Variants in RASGEF1A observed in about 807,000 individuals in gnomAD.
The protein encoded by RASGEF1A is RasGEF domain family member 1A, also known as ras-GEF domain-containing family member 1A.
Under a neutral mutation model 56.4 loss-of-function variants are expected in RASGEF1A, and 18 were observed. That is an observed-to-expected ratio of 0.32 (90% CI 0.22 to 0.47). The LOEUF is 0.47. Ranked by LOEUF, RASGEF1A falls within the 20% of genes least tolerant of loss-of-function variation. The probability of loss-of-function intolerance (pLI) is 1.00; values close to 1 mark genes in which losing one functional copy is unlikely to be tolerated. For missense variants in RASGEF1A, 422 were observed against 627.1 expected, an observed-to-expected ratio of 0.67 and a Z score of 3.49; for synonymous variants, 245 against 242.6, an observed-to-expected ratio of 1.01 and a Z score of -0.09.
At chr10:43,266,603 C>T (rs1203097551) in intron 1 of RASGEF1A, among the ~76,000 whole-genome samples, 2 of 149,886 alleles carry the variant, frequency 1.3e-5, no homozygotes, top group Non-Finnish European at 3.0e-5. Flanking sequence ...TGCAGGGGGT[C>T]CTGGCGCCGT....
intron 1 of RASGEF1A, among the ~76,000 whole-genome samples, chr10:43,219,384 G>A (rs1840177993): frequency 6.6e-6 from 1 of 152,132 alleles, no homozygotes; most frequent in African/African-American, 2.4e-5. Flanking sequence ...CGGAGGAGGG[G>A]GCTGGGAAGC....
At chr10:43,246,417 T>A (rs996457986) in intron 1 of RASGEF1A, among the ~76,000 whole-genome samples, 1 of 152,156 alleles carries the variant, frequency 6.6e-6, no homozygotes, top group African/African-American at 2.4e-5. Context: ...ATTGACAAGC[T>A]GTTCCTAAAA....
At chr10:43,233,929 C>T (rs940007884) in intron 1 of RASGEF1A, among the ~76,000 whole-genome samples, 4 of 152,290 alleles carry the variant, frequency 2.6e-5, no homozygotes, top group East Asian at 1.9e-4. Flanking sequence ...CGCTCCAGGC[C>T]GAGGATAACC....
At chr10:43,228,531 C>T (rs945095151) in intron 1 of RASGEF1A, among the ~76,000 whole-genome samples, 1 of 152,206 alleles carries the variant, frequency 6.6e-6, no homozygotes, top group Non-Finnish European at 1.5e-5. Flanking sequence ...GTGACCCCGT[C>T]AGCCTGGGTC....
Position 43,206,061 on chromosome 10 carries a change from T to G in RASGEF1A, c.56A>C (p.Gln19Pro). ...SSILGPSCSG[Q>P]VQPGMGERGG... Reference sequence around the variant, plus strand: ...ACGCTCCCCCATGCCAGGCTGCACCTGTCCGCTACAGCTGGGCCCAAGGAT... The same window carrying G: ...ACGCTCCCCCATGCCAGGCTGCACCGGTCCGCTACAGCTGGGCCCAAGGAT... Residue 19 changes from glutamine to proline, a missense_variant, in exon 2 of 13, where the codon CAG (glutamine) becomes CCG (proline). Physicochemically the swap from Gln to Pro is moderately conservative, Grantham distance 76. This residue lies in a region of RASGEF1A where 273 missense variants were observed against 339.9 expected (regional missense o/e 0.80). Coordinates refer to ENST00000395810, the MANE Select transcript of RASGEF1A (RefSeq NM_145313.4). The G allele has an allele frequency of 6.2e-7, 1 of 1,607,268 alleles. No homozygotes were observed. The highest frequency in any genetic ancestry group is 8.5e-7 in the Non-Finnish European group (1 of 1,177,376).
chr10:43,211,601 T>C (rs1303942943), intron 1 of RASGEF1A, among the ~76,000 whole-genome samples: 1 of 152,232 alleles, frequency 6.6e-6, no homozygotes, highest in African/African-American at 2.4e-5. Context: ...ACCTGGCACA[T>C]ATGCTGCTGT....
At chr10:43,210,019 T>C (rs191177273) in intron 1 of RASGEF1A, among the ~76,000 whole-genome samples, 101 of 152,354 alleles carry the variant, frequency 6.6e-4, no homozygotes, top group South Asian at 2.9e-3. Flanking sequence ...AAGCATGACC[T>C]GTCGATTGTC....
chr10:43,235,262 G>A (rs1840415406), intron 1 of RASGEF1A, among the ~76,000 whole-genome samples: 1 of 152,176 alleles, frequency 6.6e-6, no homozygotes, highest in Non-Finnish European at 1.5e-5. Flanking sequence ...GGAGCCCACC[G>A]GCCACAGCGT....
chr10:43,206,236 G>A (rs2133189968), intron 1 of RASGEF1A, 114 bp from the exon 2 acceptor site: 2 of 898,018 alleles, frequency 2.2e-6, no homozygotes, highest in East Asian at 5.3e-5. Flanking sequence ...CGTGGCAGGG[G>A]CGCAGCGGCA....
chr10:43,231,888 C>A (rs886812879), intron 1 of RASGEF1A, among the ~76,000 whole-genome samples: 1 of 152,238 alleles, frequency 6.6e-6, no homozygotes, highest in African/African-American at 2.4e-5. Flanking sequence ...AGAGAAGAAG[C>A]CAGGTGTGGT....
chr10:43,236,431 C>T (rs1190351021), intron 1 of RASGEF1A, among the ~76,000 whole-genome samples: 1 of 152,232 alleles, frequency 6.6e-6, no homozygotes, highest in Non-Finnish European at 1.5e-5. Context: ...GGTGTGTGTA[C>T]ATAGTTGCAT....
At chr10:43,225,503 GTC>G (rs1055779637) in intron 1 of RASGEF1A, among the ~76,000 whole-genome samples, 6 of 151,676 alleles carry the variant, frequency 4.0e-5, no homozygotes, top group Non-Finnish European at 8.8e-5. Context: ...GTCTCTGCAT[GTC>G]TCTGTGTGTC....
chr10:43,251,058 G>A (rs536879717), intron 1 of RASGEF1A, among the ~76,000 whole-genome samples: 6 of 152,248 alleles, frequency 3.9e-5, no homozygotes, highest in Non-Finnish European at 8.8e-5. Context: ...GCTGCAGGGC[G>A]TGGAAGGAAG....
chr10:43,200,127 G>A (rs1318188242), intron 6 of RASGEF1A, 55 bp downstream of exon 6: 18 of 1,420,316 alleles, frequency 1.3e-5, no homozygotes, highest in African/African-American at 9.9e-5. Flanking sequence ...TGCATGGAGC[G>A]CAAGTGCTGG....
In RASGEF1A at chr10:43,196,368, C is replaced by T. The variant is rs1168880004; in HGVS notation, c.1422-100G>A. On this transcript the variant is annotated intron_variant, in intron 12 of 12. Transcript: ENST00000395810. The surrounding 1 kb of genome is among the most constrained non-coding windows in gnomAD (Gnocchi z 4.6). ...CCAAACATGCACCAGGGACCCTGGACCAGGGACGCGGCAGTGCCCAGGCTC... is the reference window on the plus strand; with the variant it reads ...CCAAACATGCACCAGGGACCCTGGATCAGGGACGCGGCAGTGCCCAGGCTC... 6.4e-7 allele frequency: 1 copy of T among 1,565,084 alleles called. No individual in the cohort carries two copies. The highest frequency in any genetic ancestry group is 1.4e-5 in the African/African-American group (1 of 73,838).
intron 1 of RASGEF1A, among the ~76,000 whole-genome samples, chr10:43,266,198 C>T (rs1265464476): frequency 6.6e-6 from 1 of 152,196 alleles, no homozygotes; most frequent in Non-Finnish European, 1.5e-5. Flanking sequence ...CACTCACCGA[C>T]CCTCGGACCA....
At chr10:43,234,048 C>T (rs1238227762) in intron 1 of RASGEF1A, among the ~76,000 whole-genome samples, 3 of 152,148 alleles carry the variant, frequency 2.0e-5, no homozygotes, top group Non-Finnish European at 4.4e-5. Context: ...GGCACCCTCA[C>T]CCCCAGAGGT....
intron 1 of RASGEF1A, among the ~76,000 whole-genome samples, chr10:43,231,862 T>G (rs1161824828): frequency 2.6e-5 from 4 of 152,242 alleles, no homozygotes; most frequent in Non-Finnish European, 5.9e-5. Context: ...AGAATCCCAC[T>G]GCCACTTCAG....
At chr10:43,265,043 T>G (rs1266520938) in intron 1 of RASGEF1A, among the ~76,000 whole-genome samples, 1 of 152,050 alleles carries the variant, frequency 6.6e-6, no homozygotes, top group Non-Finnish European at 1.5e-5. Flanking sequence ...GCCCACTCGC[T>G]CTCCTCCCTG....
Sources: gnomAD v4.1 joint callset for allele counts (sites outside exome capture counted in the v4.1 genomes callset) on GRCh38, gnomAD v4.1.1 for gene constraint, gnomAD v4.1.1 regional missense constraint, Gnocchi (gnomAD v3.1) non-coding constraint, MANE v1.5 for transcripts, NCBI Gene and HGNC (gene_info 2026-07-23, HGNC 2026-07-21) for gene names.